The following RAB38 variants were observed in gnomAD, a reference collection of about 807,000 sequenced individuals.
The protein encoded by RAB38 is ras-related protein Rab-38.
A neutral mutation model predicts 18.4 loss-of-function variants in RAB38; 15 were observed. The ratio of observed to expected loss-of-function variants is 0.82; its 90% CI spans 0.55 to 1.26. RAB38 has a LOEUF of 1.26. Ranked by LOEUF, RAB38 falls within the 50% of genes most tolerant of loss-of-function variation. The pLI, the probability that RAB38 is intolerant of heterozygous loss-of-function variation, is 0.00. For missense variants in RAB38, 294 were observed against 267.4 expected, an observed-to-expected ratio of 1.10 and a Z score of -0.69; for synonymous variants, 101 against 104.4, an observed-to-expected ratio of 0.97 and a Z score of 0.20.
At position 88,149,801 on chromosome 11, in the gene RAB38, C is replaced by A; in HGVS notation, c.357G>T (p.Pro119=). The part of the protein sequence containing the change: ...DSKLSLPNGK[P]VSVVLLANKC... ...TGTTGGCCAACAAAACCACTGAAAC[C>A]GGTTTGCCATTAGGGAGACTTAACT... The change falls in exon 2 of 3, where the codon CCG becomes CCT. Residue 119 remains proline (P), a synonymous_variant. Coordinates refer to ENST00000243662, the MANE Select transcript of RAB38 (RefSeq NM_022337.3). The A allele has an allele frequency of 1.2e-6, 2 of 1,614,074 alleles. No individual in the cohort carries two copies. Among genetic ancestry groups the A allele is most frequent in the South Asian group, 1.1e-5 (1 of 91,074 alleles).
chr11:88,092,294 G>GT, the RAB38 span, among the ~76,000 whole-genome samples: 1 of 98,260 alleles, frequency 1.0e-5, no homozygotes, highest in Non-Finnish European at 2.1e-5. Context: ...AGGTGAAGGA[G>GT]ACGGCCGGTG....
the RAB38 span, among the ~76,000 whole-genome samples, chr11:88,053,362 T>C: frequency 8.0e-5 from 5 of 62,412 alleles, no homozygotes; most frequent in African/African-American, 2.3e-4. Flanking sequence ...TACACACACA[T>C]ATATATGGAA....
chr11:88,110,351 A>G (rs1197513763), downstream of RAB38, among the ~76,000 whole-genome samples: 1 of 152,072 alleles, frequency 6.6e-6, no homozygotes, highest in East Asian at 1.9e-4. Flanking sequence ...AGAGGGGAAC[A>G]TCACACATTG....
chr11:88,156,808 G>A (rs1943132717), intron 1 of RAB38, among the ~76,000 whole-genome samples: 1 of 152,146 alleles, frequency 6.6e-6, no homozygotes, highest in Non-Finnish European at 1.5e-5. Context: ...GTTACCACTA[G>A]ACAAGCCTTA....
the RAB38 span, among the ~76,000 whole-genome samples, chr11:87,818,496 A>C: frequency 2.0e-5 from 3 of 152,146 alleles, no homozygotes. Context: ...AGTTACATGG[A>C]TAATCAAAGA....
the RAB38 span, among the ~76,000 whole-genome samples, chr11:88,088,292 A>T: frequency 6.6e-6 from 1 of 151,966 alleles, no homozygotes; most frequent in East Asian, 1.9e-4. Flanking sequence ...AACAAACTTA[A>T]GTTTTCTAGG....
At chr11:87,919,946 C>A in the RAB38 span, among the ~76,000 whole-genome samples, 56 of 152,024 alleles carry the variant, frequency 3.7e-4, no homozygotes, top group African/African-American at 1.3e-3. Flanking sequence ...CTAAGTAAGT[C>A]TGACAAATGT....
the RAB38 span, among the ~76,000 whole-genome samples, chr11:87,947,602 C>T: frequency 3.3e-5 from 5 of 152,210 alleles, no homozygotes; most frequent in East Asian, 1.9e-4. Context: ...CAGCTTTCTA[C>T]ATATGGCTAG....
At chr11:88,036,907 T>G in the RAB38 span, among the ~76,000 whole-genome samples, 3 of 152,102 alleles carry the variant, frequency 2.0e-5, no homozygotes, top group African/African-American at 4.8e-5. Flanking sequence ...TTGCAAATAC[T>G]TAGGATTCTT....
the RAB38 span, among the ~76,000 whole-genome samples, chr11:87,813,794 C>T: frequency 3.9e-5 from 6 of 152,078 alleles, no homozygotes; most frequent in Non-Finnish European, 7.4e-5. Context: ...TTGGGTTAAT[C>T]GTATGACGGT....
At chr11:88,125,182 G>A (rs1265441056) in intron 2 of RAB38, among the ~76,000 whole-genome samples, 6 of 151,940 alleles carry the variant, frequency 3.9e-5, no homozygotes, top group South Asian at 2.1e-4. Flanking sequence ...ATACTTCATC[G>A]AAAAAATATC....
At chr11:87,868,376 C>A in the RAB38 span, among the ~76,000 whole-genome samples, 125 of 151,754 alleles carry the variant, frequency 8.2e-4, 1 homozygote, top group African/African-American at 3.0e-3. Flanking sequence ...AAGCCCTCAA[C>A]AGAAGCAGAT....
the RAB38 span, among the ~76,000 whole-genome samples, chr11:87,901,675 G>A: frequency 6.6e-6 from 1 of 151,540 alleles, no homozygotes; most frequent in Non-Finnish European, 1.5e-5. Flanking sequence ...ATCCCACACC[G>A]GTTCAACTTA....
chr11:87,858,641 A>G, the RAB38 span, among the ~76,000 whole-genome samples: 2 of 152,266 alleles, frequency 1.3e-5, no homozygotes, highest in Middle Eastern at 6.8e-3. Context: ...ATTAAGGTTA[A>G]CAAATGAAAT....
the RAB38 span, among the ~76,000 whole-genome samples, chr11:87,892,998 T>G: frequency 6.6e-6 from 1 of 151,700 alleles, no homozygotes; most frequent in Non-Finnish European, 1.5e-5. Flanking sequence ...TGGTATAAGA[T>G]TTGTAAACTT....
chr11:87,976,260 G>A, the RAB38 span, among the ~76,000 whole-genome samples: 5 of 141,832 alleles, frequency 3.5e-5, no homozygotes, highest in Non-Finnish European at 7.6e-5. Flanking sequence ...TGTTATACAT[G>A]TAAGAGAAGG....
chr11:88,098,646 A>G, the RAB38 span: 6 of 151,918 alleles, frequency 3.9e-5, no homozygotes, highest in Non-Finnish European at 7.4e-5. Flanking sequence ...GAATGTGTAA[A>G]ATAGGTTGGA....
the RAB38 span, among the ~76,000 whole-genome samples, chr11:88,100,479 T>C: frequency 6.6e-6 from 1 of 152,012 alleles, no homozygotes; most frequent in African/African-American, 2.4e-5. Flanking sequence ...CCAATTGTAC[T>C]TGGTATTTCA....
At chr11:88,017,804 T>C in the RAB38 span, among the ~76,000 whole-genome samples, 2 of 151,172 alleles carry the variant, frequency 1.3e-5, no homozygotes, top group African/African-American at 4.9e-5. Context: ...CAGACTGATA[T>C]GGTTTGGCTA....
Sources: allele counts gnomAD v4.1 joint callset (sites outside exome capture counted in the v4.1 genomes callset), GRCh38; gene constraint gnomAD v4.1.1; transcripts MANE v1.5; gene names NCBI Gene and HGNC (gene_info 2026-07-23, HGNC 2026-07-21).